FBN2: variants seen among roughly 807,000 people sequenced by gnomAD.
FBN2 encodes fibrillin 2, also known as fibrillin-2.
Under a neutral mutation model 355.6 loss-of-function variants are expected in FBN2, and 105 were observed. The ratio of observed to expected loss-of-function variants is 0.30; its 90% CI spans 0.25 to 0.35. FBN2 has a LOEUF of 0.35. Ranked by LOEUF, FBN2 falls within the 10% of genes least tolerant of loss-of-function variation. The pLI, the probability that FBN2 is intolerant of heterozygous loss-of-function variation, is 1.00. For synonymous variants in FBN2, 1,350 were observed against 1,301.2 expected, an observed-to-expected ratio of 1.04 and a Z score of -0.81; for missense variants, 3,280 against 3,758.7, an observed-to-expected ratio of 0.87 and a Z score of 3.33.
chr5:128,473,026 G>T (rs1301070303), intron 5 of FBN2, among the ~76,000 whole-genome samples: 2 of 152,102 alleles, frequency 1.3e-5, no homozygotes, highest in Non-Finnish European at 2.9e-5. Flanking sequence ...CCTCGTGATG[G>T]ATATTTATAT....
intron 5 of FBN2, among the ~76,000 whole-genome samples, chr5:128,518,113 C>A (rs1187531004): frequency 6.6e-6 from 1 of 152,102 alleles, no homozygotes; most frequent in Non-Finnish European, 1.5e-5. Context: ...CCTGGGAGAC[C>A]AGGAGTCAGG....
At chr5:128,444,434 A>G (rs1754012865) in intron 7 of FBN2, among the ~76,000 whole-genome samples, 1 of 152,226 alleles carries the variant, frequency 6.6e-6, no homozygotes, top group South Asian at 2.1e-4. Context: ...GCTGCTTTTA[A>G]GAAATATTTA....
chr5:128,471,354 G>GATA (rs1754856182), intron 5 of FBN2, among the ~76,000 whole-genome samples: 4 of 151,978 alleles, frequency 2.6e-5, no homozygotes. Flanking sequence ...AATTATATGG[G>GATA]ATAATAAAAA....
intron 25 of FBN2, among the ~76,000 whole-genome samples, chr5:128,343,496 G>A (rs1176441650): frequency 6.6e-6 from 1 of 152,218 alleles, no homozygotes; most frequent in Non-Finnish European, 1.5e-5. Flanking sequence ...GAGCAGGCAG[G>A]AGGGAGTGCG....
chr5:128,519,854 G>A (rs1756383394), intron 4 of FBN2, among the ~76,000 whole-genome samples: 1 of 151,230 alleles, frequency 6.6e-6, no homozygotes, highest in South Asian at 2.1e-4. Context: ...GCAATAAAGG[G>A]AAAAAGGAAA....
chr5:128,457,288 A>C (rs1754418965), intron 6 of FBN2, among the ~76,000 whole-genome samples: 1 of 152,228 alleles, frequency 6.6e-6, no homozygotes, highest in African/African-American at 2.4e-5. Context: ...AGCTTCCAGG[A>C]AACATGAGAC....
chr5:128,345,732 G>C, intron 23 of FBN2, 148 bp from the exon 24 acceptor site: 1 of 710,448 alleles, frequency 1.4e-6, no homozygotes, highest in Non-Finnish European at 2.5e-6. Flanking sequence ...TCCTGGAATG[G>C]ACTCCATAAT....
intron 5 of FBN2, among the ~76,000 whole-genome samples, chr5:128,502,405 T>C (rs889207633): frequency 9.9e-5 from 15 of 152,070 alleles, no homozygotes; most frequent in Admixed American, 2.0e-4. Flanking sequence ...ACATTCAATG[T>C]CAGAAGATAA....
At chr5:128,472,717 G>A (rs1035333746) in intron 5 of FBN2, among the ~76,000 whole-genome samples, 1 of 151,976 alleles carries the variant, frequency 6.6e-6, no homozygotes, top group African/African-American at 2.4e-5. Flanking sequence ...CTAGAACCCG[G>A]GAGGGGGAGG....
chr5:128,421,275 T>C (rs1753344722), intron 7 of FBN2, among the ~76,000 whole-genome samples: 2 of 152,098 alleles, frequency 1.3e-5, no homozygotes, highest in Non-Finnish European at 2.9e-5. Flanking sequence ...GATTTCTACC[T>C]ATGTCGATAA....
At chr5:128,290,976 G>T in intron 49 of FBN2, 92 bp from the exon 50 acceptor site, 3 of 1,228,456 alleles carry the variant, frequency 2.4e-6, no homozygotes, top group Non-Finnish European at 3.6e-6. Context: ...ATGCAGACTA[G>T]ATCAGCAGTT....
Position 128,310,421 on chromosome 5 carries a change from T to A in FBN2, c.5075-313A>T, listed in dbSNP as rs2002249. ...ATATATATTTTTTTTTTTTTTTTTTTATTGCAATTCGCATTCTTCAATTGG... is the reference window on the plus strand; with the variant it reads ...ATATATATTTTTTTTTTTTTTTTTTAATTGCAATTCGCATTCTTCAATTGG... On this transcript the variant is annotated intron_variant, in intron 39 of 64. Coordinates refer to ENST00000262464, the MANE Select transcript of FBN2 (RefSeq NM_001999.4). Among the ~76,000 whole-genome samples the A allele has an allele frequency of 5.2e-3, 686 of 131,190 alleles. 8 individuals are homozygous for A. The highest frequency in any genetic ancestry group is 0.025 in the East Asian group (115 of 4,526). 86.1% of individuals were successfully genotyped at this position (131,190 alleles called of 152,430 possible). A position where few individuals can be genotyped will look rare whatever the true frequency, so the allele number is the denominator to read the frequency against.
In FBN2 at chr5:128,382,004, A is replaced by G. The variant is rs190657518; in HGVS notation, c.1604-3114T>C. On this transcript the variant is annotated intron_variant, in intron 11 of 64. Transcript: ENST00000262464. The stretch of plus-strand genomic sequence containing the variant: ...GACCTAAGACATTTTTGGCAAAATT[A>G]TGATGCTAACTCTCTCTATACCTGG... 9.2e-5 allele frequency among the ~76,000 whole-genome samples: 14 copies of G among 152,200 alleles called. No individual in the cohort carries two copies. The East Asian group carries it at 2.5e-3, about 27-fold the overall frequency.
chr5:128,319,769 A>C (rs1750319851), intron 34 of FBN2, among the ~76,000 whole-genome samples: 1 of 152,212 alleles, frequency 6.6e-6, no homozygotes. Context: ...CAAAGTTAGT[A>C]AATATGAAGT....
intron 48 of FBN2, among the ~76,000 whole-genome samples, chr5:128,297,445 T>A (rs1176014732): frequency 1.3e-5 from 2 of 151,918 alleles, no homozygotes; most frequent in East Asian, 3.9e-4. Flanking sequence ...GGTGTTAAAG[T>A]CTCCCATTAT....
chr5:128,324,358 G>A (rs922067603), intron 34 of FBN2, among the ~76,000 whole-genome samples: 1 of 152,126 alleles, frequency 6.6e-6, no homozygotes, highest in African/African-American at 2.4e-5. Context: ...TGCTTCTCGA[G>A]TTCTTTTAAT....
At chr5:128,492,949 T>C (rs796092714) in intron 5 of FBN2, among the ~76,000 whole-genome samples, 2 of 150,034 alleles carry the variant, frequency 1.3e-5, no homozygotes, top group Admixed American at 6.7e-5. Flanking sequence ...TGCAAAACCA[T>C]ATAATGAAAA....
At chr5:128,282,760 A>C (rs1749011978) in intron 55 of FBN2, among the ~76,000 whole-genome samples, 1 of 152,046 alleles carries the variant, frequency 6.6e-6, no homozygotes, top group African/African-American at 2.4e-5. Flanking sequence ...ACCCTTTGAC[A>C]ATTTGTGGGC....
In FBN2 at chr5:128,356,142, C is replaced by T. The variant is rs893953657; in HGVS notation, c.2674+1134G>A. ...CCAACCCACACACCCCACCGCCCCC[C>T]CAACCCAGCCCGGAATTCTATAAGA... On this transcript the variant is annotated intron_variant, in intron 20 of 64. Coordinates refer to ENST00000262464, the MANE Select transcript of FBN2 (RefSeq NM_001999.4). Among the ~76,000 whole-genome samples, 29 of 152,146 alleles carry T rather than the reference C, an allele frequency of 1.9e-4. 1 individual carries two copies. Among genetic ancestry groups the T allele is most frequent in the African/African-American group, 5.6e-4 (23 of 41,418 alleles).
Sources: allele counts gnomAD v4.1 joint callset (sites outside exome capture counted in the v4.1 genomes callset), GRCh38; gene constraint gnomAD v4.1.1; transcripts MANE v1.5; gene names NCBI Gene and HGNC (gene_info 2026-07-23, HGNC 2026-07-21).